The following PAX5 variants were observed in gnomAD, a reference collection of about 807,000 sequenced individuals.
PAX5 encodes paired box 5, also known as paired box protein Pax-5.
PAX5 carries 9 observed loss-of-function variants against 43.7 expected under a neutral mutation model. The observed-to-expected ratio is 0.21, with a 90% CI of 0.12 to 0.36. The LOEUF is 0.36. PAX5 is among the 10% of genes least tolerant of loss of function. The probability of loss-of-function intolerance (pLI) is 1.00; values close to 1 mark genes in which losing one functional copy is unlikely to be tolerated. For missense variants in PAX5, 383 were observed against 532.7 expected (o/e 0.72, Z 2.77); for synonymous variants, 228 against 214.3 (o/e 1.06, Z -0.56).
At chr9:37,018,423 C>T (rs756604024) in intron 2 of PAX5, among the ~76,000 whole-genome samples, 1 of 151,940 alleles carries the variant, frequency 6.6e-6, no homozygotes, top group Admixed American at 6.6e-5. Flanking sequence ...CCTGGCAGAC[C>T]GCCCACCTTC....
intron 5 of PAX5, among the ~76,000 whole-genome samples, chr9:37,000,079 C>T (rs560667717): frequency 1.1e-4 from 17 of 152,274 alleles, no homozygotes; most frequent in Admixed American, 3.3e-4. Context: ...TCCATCCCCT[C>T]CCCTAGTAAA....
Position 36,836,592 on chromosome 9 carries a change from G to A in PAX5, c.*3968C>T, listed in dbSNP as rs575862383. ...TGGGCATCTCGGGCACTGCTGCACC[G>A]TACTGTCTGGTGCGCTGCCCGAGTG... On this transcript the variant is annotated 3_prime_UTR_variant, in exon 10 of 10. Coordinates refer to ENST00000358127, the MANE Select transcript of PAX5 (RefSeq NM_016734.3). 2.8e-4 allele frequency: 65 copies of A among 232,680 alleles called. No individual in the cohort carries two copies. The South Asian group carries it at 4.5e-3, about 16-fold the overall frequency. The allele number at this position is 232,680 out of a possible 1,614,324, so 14.4% of individuals were successfully genotyped here.
In PAX5 at chr9:36,838,024, C is replaced by T. The variant is rs145534912; in HGVS notation, c.*2536G>A. On this transcript the variant is annotated 3_prime_UTR_variant, in exon 10 of 10. Transcript: ENST00000358127. ...AGAAGTCTGTGCTGAAGACCCCTGA[C>T]CCCACCACTTCCTGCTAAATGGAGG... 4.0e-4 allele frequency: 93 copies of T among 233,338 alleles called. No individual in the cohort carries two copies. In the Middle Eastern group the frequency reaches 5.1e-3, roughly 13 times the overall value. 14.5% of individuals were successfully genotyped at this position (233,338 alleles called of 1,614,324 possible).
intron 8 of PAX5, among the ~76,000 whole-genome samples, chr9:36,873,254 A>T (rs1825643268): frequency 6.6e-6 from 1 of 152,214 alleles, no homozygotes; most frequent in African/African-American, 2.4e-5. Context: ...TTTTATATCC[A>T]TCTCTCCAAC....
rs113928178 is a variant in PAX5 at position 36,837,450 on chromosome 9, G to A, written c.*3110C>T. 5.3e-3 allele frequency: 1,241 copies of A among 233,232 alleles called. 11 individuals carry two copies. The highest frequency in any genetic ancestry group is 0.018 in the African/African-American group (818 of 45,432). 14.4% of individuals were successfully genotyped at this position (233,232 alleles called of 1,614,324 possible). On this transcript the variant is annotated 3_prime_UTR_variant, in exon 10 of 10. Coordinates refer to ENST00000358127, the MANE Select transcript of PAX5 (RefSeq NM_016734.3). ...TGTCCTTTTCCAAAAGTCAGAGCTC[G>A]AACACAGGGAAGAAGGCCCATGGAG... is the stretch of plus-strand genomic sequence containing the variant.
intron 6 of PAX5, among the ~76,000 whole-genome samples, chr9:36,936,542 G>A (rs903476586): frequency 2.6e-5 from 4 of 152,128 alleles, no homozygotes; most frequent in African/African-American, 9.7e-5. Flanking sequence ...CCACAAAGGG[G>A]CCTGAATGAG....
chr9:36,884,851 A>T (rs1826780194), intron 7 of PAX5, among the ~76,000 whole-genome samples: 1 of 152,068 alleles, frequency 6.6e-6, no homozygotes, highest in Admixed American at 6.6e-5. Flanking sequence ...CATGCTGGGG[A>T]CTCATTCCAT....
intron 7 of PAX5, among the ~76,000 whole-genome samples, chr9:36,886,385 C>T (rs541643824): frequency 1.3e-5 from 2 of 152,178 alleles, no homozygotes; most frequent in African/African-American, 2.4e-5. Context: ...GGTTGGGGAA[C>T]CCAGTCTTAT....
intron 8 of PAX5, among the ~76,000 whole-genome samples, chr9:36,863,467 A>G (rs1236191539): frequency 2.0e-5 from 3 of 152,170 alleles, no homozygotes; most frequent in Non-Finnish European, 2.9e-5. Flanking sequence ...TGTGCCGGGT[A>G]CTATGAGGGG....
intron 7 of PAX5, among the ~76,000 whole-genome samples, chr9:36,910,011 C>T (rs1049551789): frequency 4.7e-4 from 72 of 151,724 alleles, no homozygotes; most frequent in African/African-American, 1.4e-3. Flanking sequence ...TTTGTAGAGA[C>T]GGGGTTTCAC....
intron 8 of PAX5, among the ~76,000 whole-genome samples, chr9:36,852,013 A>T (rs111432578): frequency 1.3e-5 from 2 of 152,212 alleles, no homozygotes; most frequent in African/African-American, 4.8e-5. Flanking sequence ...GGCTTTGGGT[A>T]CATGCATTCA....
At chr9:36,865,427 C>T (rs1320557320) in intron 8 of PAX5, among the ~76,000 whole-genome samples, 1 of 152,160 alleles carries the variant, frequency 6.6e-6, no homozygotes, top group Non-Finnish European at 1.5e-5. Context: ...GAAATTCATT[C>T]AGTCATTTCT....
At chr9:36,880,595 CT>C (rs1192009028) in intron 8 of PAX5, among the ~76,000 whole-genome samples, 1 of 152,208 alleles carries the variant, frequency 6.6e-6, no homozygotes, top group Non-Finnish European at 1.5e-5. Flanking sequence ...CAGGGTATCG[CT>C]CTGTCGCCCA....
chr9:36,944,597 G>A (rs552601652), intron 6 of PAX5, among the ~76,000 whole-genome samples: 1 of 152,150 alleles, frequency 6.6e-6, no homozygotes, highest in Non-Finnish European at 1.5e-5. Context: ...GATGCAGACC[G>A]CCCATTACTC....
At chr9:36,847,156 ACT>A (rs1822671818) in intron 8 of PAX5, among the ~76,000 whole-genome samples, 1 of 151,880 alleles carries the variant, frequency 6.6e-6, no homozygotes, top group Non-Finnish European at 1.5e-5. Flanking sequence ...TGAATGGCAG[ACT>A]CTCACATGTG....
intron 7 of PAX5, among the ~76,000 whole-genome samples, chr9:36,915,784 T>A (rs1330508984): frequency 6.6e-6 from 1 of 152,134 alleles, no homozygotes; most frequent in Non-Finnish European, 1.5e-5. Context: ...TATAAAAAAA[T>A]TTCCAGGCCA....
intron 6 of PAX5, among the ~76,000 whole-genome samples, chr9:36,955,047 T>C (rs184443897): frequency 2.6e-4 from 40 of 152,316 alleles, no homozygotes; most frequent in Non-Finnish European, 4.9e-4. Flanking sequence ...TCATAATTTT[T>C]ATTTCTAGAA....
chr9:36,875,289 T>A (rs1331957110), intron 8 of PAX5, among the ~76,000 whole-genome samples: 1 of 152,366 alleles, frequency 6.6e-6, no homozygotes, highest in South Asian at 2.1e-4. Context: ...TCAGCTACTG[T>A]GTCCTGAGTG....
At chr9:36,960,878 C>T (rs1308430996) in intron 6 of PAX5, among the ~76,000 whole-genome samples, 1 of 152,222 alleles carries the variant, frequency 6.6e-6, no homozygotes, top group African/African-American at 2.4e-5. Flanking sequence ...GCCTAGAATG[C>T]CTTCTCCAGC....
Sources: gnomAD v4.1 joint callset for allele counts (sites outside exome capture counted in the v4.1 genomes callset) on GRCh38, gnomAD v4.1.1 for gene constraint, MANE v1.5 for transcripts, NCBI Gene and HGNC (gene_info 2026-07-23, HGNC 2026-07-21) for gene names.